Variants in SLC24A2 observed in about 807,000 individuals in gnomAD.
SLC24A2 encodes sodium/potassium/calcium exchanger 2.
A neutral mutation model predicts 62.0 loss-of-function variants in SLC24A2; 36 were observed. That is an observed-to-expected ratio of 0.58 (90% confidence interval 0.44 to 0.77). The LOEUF is 0.77. SLC24A2 is among the 30% of genes least tolerant of loss of function. The pLI, the probability that SLC24A2 is intolerant of heterozygous loss-of-function variation, is 0.00. For synonymous variants in SLC24A2, 358 were observed against 294.0 expected (o/e 1.22, Z -2.23); for missense variants, 846 against 817.9 (o/e 1.03, Z -0.42).
At chr9:19,941,595 G>A in the SLC24A2 span, among the ~76,000 whole-genome samples, 1 of 150,176 alleles carries the variant, frequency 6.7e-6, no homozygotes, top group Non-Finnish European at 1.5e-5. Context: ...GTGTGTGAGA[G>A]AGAGAGAGAG....
the SLC24A2 span, among the ~76,000 whole-genome samples, chr9:19,987,920 G>A: frequency 1.6e-4 from 24 of 152,094 alleles, no homozygotes; most frequent in Admixed American, 2.6e-4. Flanking sequence ...TCTTGTGTTC[G>A]TGCCCTATAA....
the SLC24A2 span, among the ~76,000 whole-genome samples, chr9:20,127,932 A>C: frequency 6.6e-6 from 1 of 152,076 alleles, no homozygotes; most frequent in African/African-American, 2.4e-5. Flanking sequence ...GAAAATGAAG[A>C]ATTTTTTTTT....
the SLC24A2 span, among the ~76,000 whole-genome samples, chr9:20,118,695 G>C: frequency 1.6e-4 from 24 of 151,964 alleles, no homozygotes; most frequent in African/African-American, 5.8e-4. Context: ...ATTTTCAAAA[G>C]TGACCTCCGT....
intron 2 of SLC24A2, among the ~76,000 whole-genome samples, chr9:19,634,213 C>T (rs969197164): frequency 7.3e-5 from 11 of 149,694 alleles, no homozygotes; most frequent in African/African-American, 2.7e-4. Context: ...AACTTGCCCA[C>T]AGCAATACAG....
At chr9:20,251,402 G>A in the SLC24A2 span, among the ~76,000 whole-genome samples, 1 of 151,726 alleles carries the variant, frequency 6.6e-6, no homozygotes, top group South Asian at 2.1e-4. Context: ...TTAAAGCTAT[G>A]CTAACACCAA....
chr9:19,670,777 C>T (rs1158007793), intron 2 of SLC24A2, among the ~76,000 whole-genome samples: 1 of 152,136 alleles, frequency 6.6e-6, no homozygotes, highest in African/African-American at 2.4e-5. Context: ...TTCCATGTGT[C>T]CCATAAGTTG....
chr9:20,085,014 G>A, the SLC24A2 span, among the ~76,000 whole-genome samples: 1 of 152,016 alleles, frequency 6.6e-6, no homozygotes, highest in African/African-American at 2.4e-5. Context: ...GTTTTGCTTT[G>A]AGACAGGGTC....
At chr9:19,907,471 A>G in the SLC24A2 span, among the ~76,000 whole-genome samples, 36 of 152,288 alleles carry the variant, frequency 2.4e-4, no homozygotes, top group African/African-American at 6.7e-4. Flanking sequence ...TGGAAGTTCT[A>G]GCCAGGGCAA....
At chr9:19,812,611 C>T in the SLC24A2 span, among the ~76,000 whole-genome samples, 1 of 152,022 alleles carries the variant, frequency 6.6e-6, no homozygotes, top group African/African-American at 2.4e-5. Flanking sequence ...TCTTTGATAA[C>T]TCCAATGTAA....
intron 2 of SLC24A2, among the ~76,000 whole-genome samples, chr9:19,689,029 A>G (rs1819966715): frequency 6.6e-6 from 1 of 152,162 alleles, no homozygotes; most frequent in Non-Finnish European, 1.5e-5. Flanking sequence ...TTGCTGAGAG[A>G]AAAACCAGCA....
chr9:20,177,160 T>G, the SLC24A2 span, among the ~76,000 whole-genome samples: 1 of 152,132 alleles, frequency 6.6e-6, no homozygotes, highest in African/African-American at 2.4e-5. Flanking sequence ...TTATCTTTAT[T>G]CTTGATATAG....
At chr9:20,210,348 C>G in the SLC24A2 span, among the ~76,000 whole-genome samples, 3 of 152,076 alleles carry the variant, frequency 2.0e-5, no homozygotes, top group African/African-American at 7.2e-5. Flanking sequence ...AAGCAAATGG[C>G]TCTTAAATAA....
At chr9:19,801,898 TGCA>T in the SLC24A2 span, among the ~76,000 whole-genome samples, 2 of 152,232 alleles carry the variant, frequency 1.3e-5, no homozygotes, top group Non-Finnish European at 2.9e-5. Flanking sequence ...CATATCAGAC[TGCA>T]GTAGAGGTCG....
intron 1 of SLC24A2, among the ~76,000 whole-genome samples, chr9:19,787,704 CTA>C (rs1441162213): frequency 6.6e-5 from 4 of 61,042 alleles, no homozygotes; most frequent in Admixed American, 4.4e-4. Flanking sequence ...CCCTAAACAT[CTA>C]GACATTGTTT....
the SLC24A2 span, among the ~76,000 whole-genome samples, chr9:20,083,901 C>T: frequency 6.6e-6 from 1 of 152,204 alleles, no homozygotes. Flanking sequence ...CCCGTTTCCT[C>T]TAGTTCGATG....
chr9:19,834,077 C>T, the SLC24A2 span, among the ~76,000 whole-genome samples: 4 of 152,168 alleles, frequency 2.6e-5, no homozygotes, highest in East Asian at 3.9e-4. Context: ...CCCATCTGTA[C>T]GTCACCATCA....
At chr9:20,244,467 CCCT>C in the SLC24A2 span, among the ~76,000 whole-genome samples, 9 of 152,214 alleles carry the variant, frequency 5.9e-5, no homozygotes, top group African/African-American at 2.2e-4. Context: ...ACACACTGCG[CCCT>C]GTGAAATGCA....
chr9:20,179,255 G>C, the SLC24A2 span, among the ~76,000 whole-genome samples: 1 of 152,116 alleles, frequency 6.6e-6, no homozygotes, highest in African/African-American at 2.4e-5. Flanking sequence ...TTGCCCTTCA[G>C]TACAGAACCA....
intron 2 of SLC24A2, among the ~76,000 whole-genome samples, chr9:19,689,222 G>T (rs1436989615): frequency 6.6e-6 from 1 of 152,092 alleles, no homozygotes; most frequent in East Asian, 1.9e-4. Context: ...CTTAGCCAGT[G>T]CGCTTCTCCA....
Sources: gnomAD v4.1 joint callset for allele counts (sites outside exome capture counted in the v4.1 genomes callset) on GRCh38, gnomAD v4.1.1 for gene constraint, MANE v1.5 for transcripts, NCBI Gene and HGNC (gene_info 2026-07-23, HGNC 2026-07-21) for gene names.